Variants in NKIRAS2 observed in about 807,000 individuals in gnomAD.
The protein encoded by NKIRAS2 is NF-kappa-B inhibitor-interacting Ras-like protein 2.
Under a neutral mutation model 20.7 loss-of-function variants are expected in NKIRAS2, and 15 were observed. The ratio of observed to expected loss-of-function variants is 0.73; its 90% CI spans 0.49 to 1.12. The LOEUF (loss-of-function observed/expected upper bound fraction) is 1.12. Among genes scored for constraint, NKIRAS2 ranks in the 50% most tolerant of loss-of-function variants. The pLI, the probability that NKIRAS2 is intolerant of heterozygous loss-of-function variation, is 0.00. For synonymous variants in NKIRAS2, 116 were observed against 101.4 expected, an observed-to-expected ratio of 1.14 and a Z score of -0.87; for missense variants, 196 against 249.6, an observed-to-expected ratio of 0.79 and a Z score of 1.45.
At chr17:42,019,955 A>G (rs1465908392), upstream of NKIRAS2, 7 of 152,282 alleles carry the variant, frequency 4.6e-5, no homozygotes, top group Admixed American at 3.9e-4. Context: ...GCTCCCGCGC[A>G]CACCCAGGCC....
intron 3 of NKIRAS2, chr17:42,023,133 A>C (rs2052498046): frequency 3.2e-6 from 1 of 308,312 alleles, no homozygotes; most frequent in Admixed American, 3.9e-5. Context: ...CCCCCTGCTA[A>C]GACTACAGGT....
rs782531682 is a variant in NKIRAS2 at position 42,023,872 on chromosome 17, C to T, written c.555C>T (p.Gly185=). 1.8e-5 allele frequency: 29 copies of T among 1,614,024 alleles called. No homozygotes were observed. Among genetic ancestry groups the T allele is most frequent in the Admixed American group, 5.0e-5 (3 of 59,992 alleles). ...TCCCCCTCAGCCGGAAGAACAAGGGCAGCGGCTCCTTGGATGGCTGAAGAG... is the reference window on the plus strand; with the variant it reads ...TCCCCCTCAGCCGGAAGAACAAGGGTAGCGGCTCCTTGGATGGCTGAAGAG... ...SAFPLSRKNK[G]SGSLDG The change falls in exon 4 of 4, where the codon GGC becomes GGT. Residue 185 remains glycine, a synonymous_variant. Transcript: ENST00000393885.
chr17:42,022,054 A>C, intron 2 of NKIRAS2: 1 of 442,556 alleles, frequency 2.3e-6, no homozygotes, highest in South Asian at 1.8e-5. Context: ...TACTAAAAAT[A>C]CAAAATTAGC....
upstream of NKIRAS2, chr17:42,017,717 A>C (rs1255246283): frequency 2.0e-6 from 1 of 511,198 alleles, no homozygotes; most frequent in Non-Finnish European, 3.5e-6. Flanking sequence ...CAGTATTCCA[A>C]GAGCCTCATT....
upstream of NKIRAS2, among the ~76,000 whole-genome samples, chr17:42,017,837 A>G (rs1555652263): frequency 6.6e-6 from 1 of 152,038 alleles, no homozygotes; most frequent in Non-Finnish European, 1.5e-5. Flanking sequence ...CCCCACTGCT[A>G]CCTTTCCGAC....
intron 1 of NKIRAS2, chr17:42,021,339 T>C (rs782424694): frequency 9.8e-5 from 49 of 498,252 alleles, no homozygotes; most frequent in Non-Finnish European, 1.7e-4. Flanking sequence ...GTAGTAGACA[T>C]GGAGACATCC....
rs782058145 is a variant in NKIRAS2, at chr17:42,022,476, CG to C, written c.173del (p.Arg58LeufsTer73). 4.3e-6 allele frequency: 7 copies of C among 1,613,542 alleles called. No individual in the cohort carries two copies. The highest frequency in any genetic ancestry group is 5.9e-6 in the Non-Finnish European group (7 of 1,179,534). On this transcript the variant is annotated frameshift_variant, in exon 3 of 4. Transcript: ENST00000393885. LOFTEE classifies it high-confidence loss of function. ...AGACCGGGGGGTGCGAGAGCAGGTGCGTTTCTATGACACCCGGGGGCTCCGA... is the reference window on the plus strand; with the variant it reads ...AGACCGGGGGGTGCGAGAGCAGGTGCTTTCTATGACACCCGGGGGCTCCGA... ...ETDRGVREQV[R>X]FYDTRGLRDG...
chr17:42,018,752 C>G (rs1210751807), upstream of NKIRAS2, among the ~76,000 whole-genome samples: 1 of 152,230 alleles, frequency 6.6e-6, no homozygotes, highest in Non-Finnish European at 1.5e-5. Context: ...TTTATTCCCA[C>G]AGCTTTACTT....
chr17:42,022,650 A>G lies in NKIRAS2; in HGVS notation c.336+10A>G. ...CAAGGACAAGAAGGAGGTGTGTGGC[A>G]TAGGCTTCTGGTGGGAGCCTCAGTG... is the stretch of plus-strand genomic sequence containing the variant. On this transcript the variant is annotated intron_variant, in intron 3 of 3. Transcript: ENST00000393885. 6.2e-7 allele frequency: 1 copy of G among 1,607,204 alleles called. No homozygotes were observed. Among genetic ancestry groups the G allele is most frequent in the Non-Finnish European group, 8.5e-7 (1 of 1,174,526 alleles).
In NKIRAS2 at chr17:42,025,495, GAC is replaced by G. The variant is rs540679882; in HGVS notation, c.*1607_*1608del. On this transcript the variant is annotated 3_prime_UTR_variant, in exon 4 of 4. Coordinates refer to ENST00000393885, the MANE Select transcript of NKIRAS2 (RefSeq NM_017595.6). ...GAGACACTGCAGCCAGGCAACCACC[GAC>G]ACACGCCCCTTCTCAAAGCCAGAGG... The G allele has an allele frequency of 1.3e-5, 2 of 152,584 alleles. No homozygotes were observed. Among genetic ancestry groups the G allele is most frequent in the Non-Finnish European group, 1.5e-5 (1 of 68,042 alleles). The allele number at this position is 152,584 out of a possible 1,614,324, so 9.5% of individuals were successfully genotyped here.
At position 42,022,562 on chromosome 17, in the gene NKIRAS2, T is replaced by C; in HGVS notation, c.258T>C (p.Tyr86=). 1 of 1,614,102 alleles carries C rather than the reference T, an allele frequency of 6.2e-7. No individual in the cohort carries two copies. The highest frequency in any genetic ancestry group is 2.2e-5 in the East Asian group (1 of 44,864). The change falls in exon 3 of 4, where the codon TAT becomes TAC. Residue 86 remains tyrosine (Y), a synonymous_variant. Coordinates refer to ENST00000393885, the MANE Select transcript of NKIRAS2 (RefSeq NM_017595.6). ...FSCTDGYVLV[Y]STDSRESFQR... is the part of the protein sequence containing the mutation. ...GCACTGATGGCTACGTCCTGGTCTA[T>C]AGCACAGATAGCAGAGAGTCTTTTC...
chr17:42,021,701 G>A, intron 2 of NKIRAS2, 30 bp downstream of exon 2: 3 of 1,585,864 alleles, frequency 1.9e-6, no homozygotes, highest in Non-Finnish European at 2.6e-6. Context: ...GAGGAACAGT[G>A]GAAGAAGTTG....
In NKIRAS2 at chr17:42,023,767, A is replaced by G. The variant is rs141074120; in HGVS notation, c.450A>G (p.Ser150=). ...KSEKVKLWEV[S]VADRRSLLEP... is the part of the protein sequence containing the mutation. ...AGAAGGTGAAGCTGTGGGAGGTGTCAGTGGCGGACCGGCGCTCCCTCCTGG... is the reference window on the plus strand; with the variant it reads ...AGAAGGTGAAGCTGTGGGAGGTGTCGGTGGCGGACCGGCGCTCCCTCCTGG... Residue 150 remains serine, a synonymous_variant, in exon 4 of 4, where the codon TCA becomes TCG. Coordinates refer to ENST00000393885, the MANE Select transcript of NKIRAS2 (RefSeq NM_017595.6). 12 of 1,614,060 alleles carry G rather than the reference A, an allele frequency of 7.4e-6. No individual in the cohort carries two copies. The highest frequency in any genetic ancestry group is 1.0e-5 in the Non-Finnish European group (12 of 1,180,038).
In NKIRAS2 at chr17:42,023,731, G is replaced by A. The variant is rs782743564; in HGVS notation, c.414G>A (p.Trp138Ter). The change falls in exon 4 of 4, where the codon TGG (tryptophan) becomes TGA (stop). Residue 138 changes from tryptophan to a stop codon, truncating the protein, a stop_gained. Transcript: ENST00000393885. LOFTEE classifies it high-confidence loss of function. The part of the protein sequence containing the change: ...RRVDPDVAQH[W>*]AKSEKVKLWE... ...TAGACCCAGATGTGGCTCAGCACTG[G>A]GCCAAGTCAGAGAAGGTGAAGCTGT... is the stretch of plus-strand genomic sequence containing the variant. 6.2e-7 allele frequency: 1 copy of A among 1,613,986 alleles called. No homozygotes were observed. Among genetic ancestry groups the A allele is most frequent in the Non-Finnish European group, 8.5e-7 (1 of 1,179,974 alleles).
chr17:42,019,422 T>C (rs2052388706), upstream of NKIRAS2, among the ~76,000 whole-genome samples: 1 of 152,258 alleles, frequency 6.6e-6, no homozygotes. Context: ...TGTCTCTTCA[T>C]TGGCAATGGC....
In NKIRAS2 at chr17:42,024,914, GACC is replaced by G. The variant is rs1391728538; in HGVS notation, c.*1022_*1024del. 1 of 152,586 alleles carries G rather than the reference GACC, an allele frequency of 6.6e-6. No homozygotes were observed. The highest frequency in any genetic ancestry group is 1.5e-5 in the Non-Finnish European group (1 of 68,072). The allele number at this position is 152,586 out of a possible 1,614,324, so 9.5% of individuals were successfully genotyped here. On this transcript the variant is annotated 3_prime_UTR_variant, in exon 4 of 4. Transcript: ENST00000393885. ...ACCAGCCCACTTTGTGACCCAGCAA[GACC>G]TTTCCCCTCTCTGGGCATCAGTTTC...
upstream of NKIRAS2, chr17:42,017,694 G>A (rs1169379109): frequency 1.8e-5 from 10 of 551,604 alleles, no homozygotes; most frequent in East Asian, 2.9e-4. Flanking sequence ...CCTCTCTAGG[G>A]CTTGGCTGCT....
Position 42,023,844 on chromosome 17 carries a change from C to G in NKIRAS2, c.527C>G (p.Ala176Gly). 1 of 1,614,146 alleles carries G rather than the reference C, an allele frequency of 6.2e-7. No individual in the cohort carries two copies. The highest frequency in any genetic ancestry group is 8.5e-7 in the Non-Finnish European group (1 of 1,180,030). The change falls in exon 4 of 4, where the codon GCC (alanine) becomes GGC (glycine). Residue 176 changes from alanine to glycine, a missense_variant. Coordinates refer to ENST00000393885, the MANE Select transcript of NKIRAS2 (RefSeq NM_017595.6). ...SKMTQPQSKS[A>G]FPLSRKNKGS... The stretch of plus-strand genomic sequence containing the variant: ...ATGACGCAACCCCAGAGCAAGTCTG[C>G]CTTCCCCCTCAGCCGGAAGAACAAG...
chr17:42,024,040 CCT>C lies in NKIRAS2; in HGVS notation c.*151_*152del. 2 of 1,264,460 alleles carry C rather than the reference CCT, an allele frequency of 1.6e-6. No individual in the cohort carries two copies. 78.3% of individuals were successfully genotyped at this position (1,264,460 alleles called of 1,614,324 possible). On this transcript the variant is annotated 3_prime_UTR_variant, in exon 4 of 4. Coordinates refer to ENST00000393885, the MANE Select transcript of NKIRAS2 (RefSeq NM_017595.6). ...AGGCCACGCCCCAGCCACTTTGCTC[CCT>C]CTCACCTCTGGGAAGTGCAAATACT...
Sources: allele counts gnomAD v4.1 joint callset (sites outside exome capture counted in the v4.1 genomes callset), GRCh38; gene constraint gnomAD v4.1.1; transcripts MANE v1.5; gene names NCBI Gene and HGNC (gene_info 2026-07-23, HGNC 2026-07-21).